Variants in PHIP observed in about 807,000 individuals in gnomAD.
PHIP encodes the protein PH-interacting protein.
PHIP carries 54 observed loss-of-function variants against 236.8 expected under a neutral mutation model. That is an observed-to-expected ratio of 0.23 (90% confidence interval 0.18 to 0.29). The LOEUF is 0.29. Ranked by LOEUF, PHIP falls within the 10% of genes least tolerant of loss-of-function variation. The pLI is 1.00. For synonymous variants in PHIP, 756 were observed against 718.9 expected (o/e 1.05, Z -0.83); for missense variants, 1,370 against 2,190.8 (o/e 0.63, Z 7.48).
At chr6:79,014,105 C>T (rs1433028926) in intron 15 of PHIP, among the ~76,000 whole-genome samples, 3 of 130,076 alleles carry the variant, frequency 2.3e-5, no homozygotes, top group Non-Finnish European at 5.2e-5. Context: ...TTCTAAGGCA[C>T]AGCCTTAAAG....
intron 15 of PHIP, among the ~76,000 whole-genome samples, chr6:79,010,079 G>T (rs1038053247): frequency 6.6e-6 from 1 of 151,446 alleles, no homozygotes; most frequent in South Asian, 2.1e-4. Context: ...GGAAAGAAGG[G>T]AGGAAGGGAG....
At chr6:79,069,093 G>T (rs544185182) in intron 4 of PHIP, among the ~76,000 whole-genome samples, 4 of 150,642 alleles carry the variant, frequency 2.7e-5, no homozygotes, top group Non-Finnish European at 5.9e-5. Context: ...CAGTTTATTG[G>T]AATATAGTTC....
At chr6:79,036,583 T>C (rs1771943183) in intron 7 of PHIP, among the ~76,000 whole-genome samples, 1 of 152,114 alleles carries the variant, frequency 6.6e-6, no homozygotes, top group Non-Finnish European at 1.5e-5. Flanking sequence ...CCATATAACA[T>C]ACACACATAA....
chr6:79,001,312 T>C (rs113434620), intron 17 of PHIP, among the ~76,000 whole-genome samples: 61 of 152,222 alleles, frequency 4.0e-4, no homozygotes, highest in African/African-American at 1.4e-3. Context: ...TCCATTATAC[T>C]TCACTAAAAC....
intron 35 of PHIP, among the ~76,000 whole-genome samples, chr6:78,950,182 CACTG>C (rs1274490717): frequency 6.6e-6 from 1 of 152,208 alleles, no homozygotes; most frequent in African/African-American, 2.4e-5. Flanking sequence ...TGATGGATTA[CACTG>C]ACTGGTTTTT....
rs1278287667 is a variant in PHIP at position 78,936,687 on chromosome 6, T to C, written c.*4006A>G. On this transcript the variant is annotated 3_prime_UTR_variant, in exon 40 of 40. Transcript: ENST00000275034. ...TCTATTTATAGCTCATATTTTCTACTCACTGTTCTACTGCAGTGTGTACAA... is the reference window on the plus strand; with the variant it reads ...TCTATTTATAGCTCATATTTTCTACCCACTGTTCTACTGCAGTGTGTACAA... 6.6e-6 allele frequency: 1 copy of C among 151,856 alleles called. No individual in the cohort carries two copies. Among genetic ancestry groups the C allele is most frequent in the Admixed American group, 6.6e-5 (1 of 15,246 alleles). The allele number at this position is 151,856 out of a possible 1,614,324, so 9.4% of individuals were successfully genotyped here. A position where few individuals can be genotyped will look rare whatever the true frequency, so the allele number is the denominator to read the frequency against.
chr6:78,965,746 T>C lies in PHIP; in HGVS notation c.3336A>G (p.Thr1112=). The C allele has an allele frequency of 6.4e-7, 1 of 1,561,310 alleles. No homozygotes were observed. Among genetic ancestry groups the C allele is most frequent in the South Asian group, 1.1e-5 (1 of 87,870 alleles). The change falls in exon 29 of 40, where the codon ACA becomes ACG. Residue 1112 remains threonine, a synonymous_variant. Coordinates refer to ENST00000275034, the MANE Select transcript of PHIP (RefSeq NM_017934.7). The part of the protein sequence containing the change: ...CYNVCWDNGD[T]EKMSPWDMEL... ...CCATATCCCAAGGACTCATCTTTTC[T>C]GTATCTCCATTGTCCCAGCTTAAAG...
chr6:79,077,046 G>T (rs1453101111), intron 4 of PHIP, among the ~76,000 whole-genome samples: 1 of 152,124 alleles, frequency 6.6e-6, no homozygotes, highest in Non-Finnish European at 1.5e-5. Context: ...AGCCGAGCCG[G>T]CCGCGCGTGC....
At chr6:79,020,855 C>CAA (rs1415843735) in intron 9 of PHIP, among the ~76,000 whole-genome samples, 4 of 152,050 alleles carry the variant, frequency 2.6e-5, no homozygotes, top group African/African-American at 9.7e-5. Context: ...TCTCCTGCCT[C>CAA]AACTTAAAAT....
Position 78,964,024 on chromosome 6 carries a change from C to A in PHIP, c.3380-772G>T, listed in dbSNP as rs150892183. The stretch of plus-strand genomic sequence containing the variant: ...AAACAGTGAATCAGTATCACTTATT[C>A]ATTTAAAAAATATCCAAGGCATTAT... On this transcript the variant is annotated intron_variant, in intron 29 of 39. Coordinates refer to ENST00000275034, the MANE Select transcript of PHIP (RefSeq NM_017934.7). Among the ~76,000 whole-genome samples, 42 of 152,270 alleles carry A rather than the reference C, an allele frequency of 2.8e-4. No homozygotes were observed. The East Asian group carries it at 7.3e-3, about 27-fold the overall frequency.
intron 35 of PHIP, among the ~76,000 whole-genome samples, chr6:78,948,381 A>T (rs1773943904): frequency 6.6e-6 from 1 of 152,234 alleles, no homozygotes; most frequent in Admixed American, 6.5e-5. Context: ...ACAGATTGGA[A>T]CCAATAAAAA....
At chr6:79,021,641 C>T (rs1407678711) in intron 9 of PHIP, among the ~76,000 whole-genome samples, 3 of 152,154 alleles carry the variant, frequency 2.0e-5, no homozygotes, top group Non-Finnish European at 4.4e-5. Context: ...AGACAAACAT[C>T]ACATGTTCTC....
chr6:79,070,029 C>G (rs1208897458), intron 4 of PHIP, among the ~76,000 whole-genome samples: 1 of 151,910 alleles, frequency 6.6e-6, no homozygotes, highest in African/African-American at 2.4e-5. Context: ...AAATTTTATT[C>G]ATCATAAACC....
At chr6:79,005,411 C>CT in intron 15 of PHIP, among the ~76,000 whole-genome samples, 1 of 151,696 alleles carries the variant, frequency 6.6e-6, no homozygotes, top group East Asian at 1.9e-4. Flanking sequence ...GGATTCAAGT[C>CT]TTTATTTTTC....
intron 7 of PHIP, among the ~76,000 whole-genome samples, chr6:79,036,045 A>G (rs537671719): frequency 6.6e-6 from 1 of 152,206 alleles, no homozygotes; most frequent in South Asian, 2.1e-4. Context: ...TAAGCATACT[A>G]ATTCCACAAC....
In PHIP at chr6:79,047,227, C is replaced by T. The variant is rs139145454; in HGVS notation, c.440-4224G>A. 6.3e-4 allele frequency among the ~76,000 whole-genome samples: 96 copies of T among 152,196 alleles called. 1 individual carries two copies. In the South Asian group the frequency reaches 7.9e-3, roughly 13 times the overall value. Reference sequence around the variant, plus strand: ...AATTAGTAGAGATCAACAAAAGGCCCACAACTTCTTAAACATTAGATGTGA... The same window carrying T: ...AATTAGTAGAGATCAACAAAAGGCCTACAACTTCTTAAACATTAGATGTGA... On this transcript the variant is annotated intron_variant, in intron 6 of 39. Transcript: ENST00000275034.
At chr6:78,955,923 C>A in intron 32 of PHIP, 1 of 263,032 alleles carries the variant, frequency 3.8e-6, no homozygotes. Context: ...ATCTCCCAGT[C>A]TTTGCTTAGG....
chr6:79,010,132 AAGAG>A (rs1770499881), intron 15 of PHIP, among the ~76,000 whole-genome samples: 1 of 151,724 alleles, frequency 6.6e-6, no homozygotes, highest in South Asian at 2.1e-4. Flanking sequence ...AAAGAAAAGA[AAGAG>A]AAAGAGAGAG....
intron 24 of PHIP, among the ~76,000 whole-genome samples, chr6:78,972,470 C>A (rs184188269): frequency 2.6e-5 from 4 of 152,272 alleles, no homozygotes; most frequent in East Asian, 3.9e-4. Flanking sequence ...AATCAGAGCA[C>A]CTCTCCTCCT....
Sources: allele counts gnomAD v4.1 joint callset (sites outside exome capture counted in the v4.1 genomes callset), GRCh38; gene constraint gnomAD v4.1.1; transcripts MANE v1.5; gene names NCBI Gene and HGNC (gene_info 2026-07-23, HGNC 2026-07-21).